PACC1: variants seen among roughly 807,000 people sequenced by gnomAD.
PACC1 encodes the protein proton activated chloride channel 1.
A neutral mutation model predicts 39.7 loss-of-function variants in PACC1; 34 were observed. The observed-to-expected ratio is 0.86, with a 90% CI of 0.65 to 1.14. The LOEUF (loss-of-function observed/expected upper bound fraction) is 1.14. PACC1 is among the 50% of genes most tolerant of loss of function. PACC1 has a pLI of 0.00. For missense variants in PACC1, 379 were observed against 436.4 expected (o/e 0.87, Z 1.17); for synonymous variants, 127 against 160.6 (o/e 0.79, Z 1.58).
chr1:212,390,472 T>C (rs1325759478), intron 2 of PACC1, among the ~76,000 whole-genome samples: 1 of 148,966 alleles, frequency 6.7e-6, no homozygotes, highest in African/African-American at 2.5e-5. Flanking sequence ...GGTTCTAAGA[T>C]GGCTGAATAG....
chr1:212,368,365 A>G (rs1354471828), intron 7 of PACC1, among the ~76,000 whole-genome samples: 1 of 152,136 alleles, frequency 6.6e-6, no homozygotes, highest in Admixed American at 6.5e-5. Flanking sequence ...AGTTCAGAGA[A>G]ATACAATCTC....
chr1:212,368,284 C>G (rs1396717551), intron 7 of PACC1, among the ~76,000 whole-genome samples: 2 of 152,156 alleles, frequency 1.3e-5, no homozygotes, highest in Non-Finnish European at 2.9e-5. Flanking sequence ...TAAACAAGGG[C>G]AGACTGTGAA....
intron 1 of PACC1, chr1:212,413,760 A>T (rs1662220824): frequency 3.1e-6 from 3 of 975,340 alleles, no homozygotes; most frequent in Non-Finnish European, 4.4e-6. Flanking sequence ...GGTCTGAGAA[A>T]AAAGGAATGC....
intron 7 of PACC1, among the ~76,000 whole-genome samples, chr1:212,372,340 G>A (rs1399495304): frequency 6.7e-6 from 1 of 150,118 alleles, no homozygotes; most frequent in Non-Finnish European, 1.5e-5. Context: ...AACAAACTGA[G>A]TATAGAAGGA....
chr1:212,391,588 C>T (rs1661321510), intron 2 of PACC1, among the ~76,000 whole-genome samples: 1 of 152,212 alleles, frequency 6.6e-6, no homozygotes. Flanking sequence ...CAAAGCTGGA[C>T]AGAGAATGAC....
chr1:212,388,559 C>A (rs1478708733), intron 2 of PACC1, among the ~76,000 whole-genome samples: 1 of 152,046 alleles, frequency 6.6e-6, no homozygotes, highest in Admixed American at 6.6e-5. Flanking sequence ...TCCAATAGGA[C>A]CAGAATCCTT....
intron 2 of PACC1, among the ~76,000 whole-genome samples, chr1:212,394,258 C>T (rs1661432563): frequency 6.6e-6 from 1 of 152,232 alleles, no homozygotes. Context: ...TGGGCTTCAT[C>T]CCTGGGATGC....
intron 5 of PACC1, among the ~76,000 whole-genome samples, chr1:212,379,463 G>A (rs1275625323): frequency 6.6e-6 from 1 of 152,178 alleles, no homozygotes; most frequent in Non-Finnish European, 1.5e-5. Context: ...AGTTGTTCAA[G>A]GACCAACTGT....
intron 2 of PACC1, among the ~76,000 whole-genome samples, chr1:212,396,836 CTATCTATCTATCTATT>C (rs975104432): frequency 6.2e-5 from 9 of 146,018 alleles, no homozygotes; most frequent in Non-Finnish European, 1.2e-4. Context: ...ATCTATCTAT[CTATCTATCTATCTATT>C]ACATATAGAG....
At chr1:212,397,723 A>C (rs1661574980) in intron 2 of PACC1, among the ~76,000 whole-genome samples, 1 of 152,242 alleles carries the variant, frequency 6.6e-6, no homozygotes, top group Admixed American at 6.5e-5. Flanking sequence ...CAACTGCAGG[A>C]AGAATGGGAA....
chr1:212,401,835 G>T (rs1661727281), intron 2 of PACC1, among the ~76,000 whole-genome samples: 1 of 151,644 alleles, frequency 6.6e-6, no homozygotes, highest in Non-Finnish European at 1.5e-5. Flanking sequence ...CACCATACCT[G>T]GCTAATTTTT....
chr1:212,414,222 A>T, intron 1 of PACC1: 3 of 889,040 alleles, frequency 3.4e-6, no homozygotes, highest in Non-Finnish European at 4.9e-6. Context: ...TGGTCACCAA[A>T]AAACAGGTAA....
At chr1:212,410,279 A>G in intron 2 of PACC1, 146 bp downstream of exon 2, 2 of 746,606 alleles carry the variant, frequency 2.7e-6, no homozygotes, top group South Asian at 3.1e-5. Context: ...CTGGTTAAAT[A>G]TGTATGGCTT....
intron 2 of PACC1, among the ~76,000 whole-genome samples, chr1:212,406,105 CAAAAAA>C (rs58332482): frequency 1.8e-5 from 1 of 55,642 alleles, no homozygotes; most frequent in African/African-American, 6.7e-5. Context: ...TCCCACCCCA[CAAAAAA>C]AAAAAAAAAA....
chr1:212,402,112 G>A (rs1661738351), intron 2 of PACC1, among the ~76,000 whole-genome samples: 1 of 152,130 alleles, frequency 6.6e-6, no homozygotes, highest in East Asian at 1.9e-4. Context: ...GAATATTCAT[G>A]TACACATTTT....
Position 212,387,042 on chromosome 1 carries a change from G to C in PACC1, c.192C>G (p.Asn64Lys), listed in dbSNP as rs764882954. The C allele has an allele frequency of 6.2e-7, 1 of 1,614,104 alleles. No homozygotes were observed. Among genetic ancestry groups the C allele is most frequent in the African/African-American group, 1.3e-5 (1 of 74,940 alleles). Residue 64 changes from asparagine to lysine, a missense_variant, in exon 3 of 8, where the codon AAC becomes AAG. Coordinates refer to ENST00000261455, the MANE Select transcript of PACC1 (RefSeq NM_018252.3). Reference protein sequence around the residue: ...SIRFSKACLKNVFSVLLIFIY... With the variant: ...SIRFSKACLKKVFSVLLIFIY... ...TGAAGATGAGTAGGACCGAGAAGAC[G>C]TTCTTCAGGCAGGCCTTGCTGAAGC...
At position 212,377,663 on chromosome 1, in the gene PACC1, A is replaced by AT; in HGVS notation, c.681_682insA (p.Ser228IlefsTer39). 1 of 1,614,180 alleles carries AT rather than the reference A, an allele frequency of 6.2e-7. No homozygotes were observed. Among genetic ancestry groups the AT allele is most frequent in the Non-Finnish European group, 8.5e-7 (1 of 1,180,020 alleles). Reference sequence around the variant, plus strand: ...AAGCCCCCAGAGAACTTCCAGCTGGAATAGGCACTCTCACAGGCCTGCATG... The same window carrying AT: ...AAGCCCCCAGAGAACTTCCAGCTGGATATAGGCACTCTCACAGGCCTGCATG... On this transcript the variant is annotated frameshift_variant, in exon 6 of 8. Coordinates refer to ENST00000261455, the MANE Select transcript of PACC1 (RefSeq NM_018252.3). LOFTEE classifies it high-confidence loss of function.
At chr1:212,377,484 TCTGCAAA>T (rs1660707101) in intron 6 of PACC1, 71 bp downstream of exon 6, 1 of 1,583,618 alleles carries the variant, frequency 6.3e-7, no homozygotes, top group East Asian at 2.2e-5. Flanking sequence ...AGGAGCCTTC[TCTGCAAA>T]GCTTCCCTCC....
At position 212,371,605 on chromosome 1, in the gene PACC1, TA is replaced by T. The variant is rs968523667; in HGVS notation, c.891+3587del. On this transcript the variant is annotated intron_variant, in intron 7 of 7. Coordinates refer to ENST00000261455, the MANE Select transcript of PACC1 (RefSeq NM_018252.3). ...TTCGTTGCTAAATTCTATCTAACAT[TA>T]AAAAAAAATTAATAGCAATTCTACT... is the stretch of plus-strand genomic sequence containing the variant. 4.6e-5 allele frequency among the ~76,000 whole-genome samples: 7 copies of T among 151,112 alleles called. No individual in the cohort carries two copies. In the East Asian group the frequency reaches 9.7e-4, roughly 21 times the overall value.
Sources: allele counts gnomAD v4.1 joint callset (sites outside exome capture counted in the v4.1 genomes callset), GRCh38; gene constraint gnomAD v4.1.1; transcripts MANE v1.5; gene names NCBI Gene and HGNC (gene_info 2026-07-23, HGNC 2026-07-21).